The following EHD1 variants were observed in gnomAD, a reference collection of about 807,000 sequenced individuals.
EHD1 encodes the protein EH domain-containing protein 1.
In EHD1, 19 loss-of-function variants were observed where a neutral mutation model predicts 39.0. That is an observed-to-expected ratio of 0.49 (90% CI 0.34 to 0.72). The LOEUF (loss-of-function observed/expected upper bound fraction) is 0.72. EHD1 is among the 30% of genes least tolerant of loss of function. EHD1 has a pLI of 0.01. For synonymous variants in EHD1, 323 were observed against 331.2 expected (o/e 0.98, Z 0.27); for missense variants, 542 against 751.5 (o/e 0.72, Z 3.26).
chr11:64,863,342 G>A (rs1304726961), intron 2 of EHD1, among the ~76,000 whole-genome samples: 1 of 152,220 alleles, frequency 6.6e-6, no homozygotes, highest in African/African-American at 2.4e-5. Flanking sequence ...ACAGCAGCGA[G>A]GTGGGAGGTC....
chr11:64,860,478 T>A, intron 2 of EHD1, 142 bp from the exon 3 acceptor site: 2 of 1,202,020 alleles, frequency 1.7e-6, no homozygotes, highest in South Asian at 1.6e-5. Context: ...CTCACGCCTG[T>A]AATCCCAACA....
At chr11:64,855,060 A>G (rs980295893) in intron 4 of EHD1, 8 of 843,044 alleles carry the variant, frequency 9.5e-6, no homozygotes, top group Non-Finnish European at 1.4e-5. Flanking sequence ...GGGCTGCGGC[A>G]AGGATTCATG....
chr11:64,861,498 G>A (rs536881177), intron 2 of EHD1, among the ~76,000 whole-genome samples: 1 of 152,358 alleles, frequency 6.6e-6, no homozygotes, highest in African/African-American at 2.4e-5. Flanking sequence ...AGTAACTGCA[G>A]CTGCTACTTT....
chr11:64,875,105 C>T (rs886822886), intron 1 of EHD1, among the ~76,000 whole-genome samples: 1 of 152,216 alleles, frequency 6.6e-6, no homozygotes, highest in African/African-American at 2.4e-5. Context: ...TGAGGAAGAA[C>T]AAAGCCGTGG....
At chr11:64,855,703 C>T (rs1365721939) in intron 3 of EHD1, 1 of 621,340 alleles carries the variant, frequency 1.6e-6, no homozygotes, top group Non-Finnish European at 2.8e-6. Context: ...TGCCACAGGA[C>T]AGAGGACAGG....
At chr11:64,872,405 G>C (rs1943839737) in intron 2 of EHD1, among the ~76,000 whole-genome samples, 1 of 152,132 alleles carries the variant, frequency 6.6e-6, no homozygotes, top group African/African-American at 2.4e-5. Flanking sequence ...AGGTTGTAGT[G>C]AACCGAGATC....
chr11:64,860,224 C>G lies in EHD1; in HGVS notation c.615G>C (p.Lys205Asn). Residue 205 changes from lysine (K) to asparagine (N), a missense_variant, in exon 3 of 5, where the codon AAG becomes AAC. Coordinates refer to ENST00000320631, the MANE Select transcript of EHD1 (RefSeq NM_006795.4). ...TCTTGTCCTCATGGTTCTTCAGAGC[C>G]TTGATCACTTCCGAGAACTCATCGG... ...DISDEFSEVI[K>N]ALKNHEDKIR... 1 of 1,614,138 alleles carries G rather than the reference C, an allele frequency of 6.2e-7. No individual in the cohort carries two copies. The highest frequency in any genetic ancestry group is 2.2e-5 in the East Asian group (1 of 44,880).
At chr11:64,861,227 C>T (rs990445756) in intron 2 of EHD1, among the ~76,000 whole-genome samples, 23 of 151,968 alleles carry the variant, frequency 1.5e-4, no homozygotes, top group Non-Finnish European at 2.1e-4. Context: ...CTAGACAGCA[C>T]AGCACCCTGA....
At chr11:64,857,752 A>G (rs893810473) in intron 3 of EHD1, among the ~76,000 whole-genome samples, 2 of 152,184 alleles carry the variant, frequency 1.3e-5, no homozygotes, top group East Asian at 1.9e-4. Context: ...AGGCAGGGAC[A>G]TGGGCTCCCC....
chr11:64,869,168 G>A (rs530973257), intron 2 of EHD1, among the ~76,000 whole-genome samples: 20 of 152,364 alleles, frequency 1.3e-4, no homozygotes, highest in East Asian at 1.2e-3. Context: ...GCAGGCGCTC[G>A]GCCAGCTGCT....
At chr11:64,869,398 G>A (rs1251428866) in intron 2 of EHD1, among the ~76,000 whole-genome samples, 2 of 152,246 alleles carry the variant, frequency 1.3e-5, no homozygotes, top group Admixed American at 6.5e-5. Flanking sequence ...GGAGGGCCTG[G>A]AACCCAACGG....
Position 64,878,525 on chromosome 11 carries a change from T to TGCGGAGCCGAG in EHD1, c.-72_-62dup. ...GCGGCGGCTGAGAGCGGGGCGAGGGTGCGGAGCCGAGGCGGGGCCGGCCGG... is the reference window on the plus strand; with the variant it reads ...GCGGCGGCTGAGAGCGGGGCGAGGGTGCGGAGCCGAGGCGGAGCCGAGGCGGGGCCGGCCGG... On this transcript the variant is annotated 5_prime_UTR_variant, in exon 1 of 5. Coordinates refer to ENST00000320631, the MANE Select transcript of EHD1 (RefSeq NM_006795.4). The TGCGGAGCCGAG allele has an allele frequency of 6.6e-7, 1 of 1,517,412 alleles. No homozygotes were observed. Among genetic ancestry groups the TGCGGAGCCGAG allele is most frequent in the Non-Finnish European group, 8.8e-7 (1 of 1,136,916 alleles). The allele number at this position is 1,517,412 out of a possible 1,614,324, so 94.0% of individuals were successfully genotyped here. A position where few individuals can be genotyped will look rare whatever the true frequency, so the allele number is the denominator to read the frequency against.
intron 2 of EHD1, 135 bp from the exon 3 acceptor site, chr11:64,860,471 A>C: frequency 6.3e-6 from 8 of 1,272,582 alleles, no homozygotes; most frequent in Non-Finnish European, 7.3e-6. Flanking sequence ...GTGGTGGCTC[A>C]CGCCTGTAAT....
At chr11:64,871,632 A>C (rs1943831755) in intron 2 of EHD1, among the ~76,000 whole-genome samples, 1 of 152,246 alleles carries the variant, frequency 6.6e-6, no homozygotes, top group African/African-American at 2.4e-5. Context: ...ACTTCACAGC[A>C]GGAAACCCCT....
chr11:64,864,148 C>A (rs908673730), intron 2 of EHD1, among the ~76,000 whole-genome samples: 2 of 152,232 alleles, frequency 1.3e-5, no homozygotes, highest in African/African-American at 4.8e-5. Context: ...ATAGGGCACT[C>A]TGACCAGAAG....
At chr11:64,862,248 A>G (rs4930685) in intron 2 of EHD1, among the ~76,000 whole-genome samples, 116,790 of 152,080 alleles carry the variant, frequency 0.77, 47,044 homozygotes, top group Non-Finnish European at 0.89. Flanking sequence ...ACCCATTATG[A>G]CCCAATTAAG....
At chr11:64,878,701 G>T (rs921575939), upstream of EHD1, 13 of 1,351,948 alleles carry the variant, frequency 9.6e-6, no homozygotes, top group South Asian at 1.9e-4. Context: ...GGGGCAGGGC[G>T]GAATTGGGGG....
chr11:64,866,753 A>G (rs1943771158), intron 2 of EHD1, among the ~76,000 whole-genome samples: 1 of 152,106 alleles, frequency 6.6e-6, no homozygotes, highest in African/African-American at 2.4e-5. Flanking sequence ...AATAATCTAT[A>G]CACCAAACCC....
At chr11:64,873,920 G>A (rs1370666757) in intron 2 of EHD1, among the ~76,000 whole-genome samples, 3 of 150,888 alleles carry the variant, frequency 2.0e-5, no homozygotes, top group Non-Finnish European at 4.4e-5. Flanking sequence ...CTCGTGATCC[G>A]CCCACCTCGG....
Sources: allele counts gnomAD v4.1 joint callset (sites outside exome capture counted in the v4.1 genomes callset), GRCh38; gene constraint gnomAD v4.1.1; transcripts MANE v1.5; gene names NCBI Gene and HGNC (gene_info 2026-07-23, HGNC 2026-07-21).